Variants in GMPS observed in about 807,000 individuals in gnomAD.
GMPS encodes GMP synthase [glutamine-hydrolyzing].
A neutral mutation model predicts 77.9 loss-of-function variants in GMPS; 15 were observed. The observed-to-expected ratio is 0.19, with a 90% CI of 0.13 to 0.30. The LOEUF (loss-of-function observed/expected upper bound fraction) is 0.30. Ranked by LOEUF, GMPS falls within the 10% of genes least tolerant of loss-of-function variation. The pLI is 1.00. For missense variants in GMPS, 590 were observed against 838.8 expected (o/e 0.70, Z 3.66); for synonymous variants, 224 against 275.9 (o/e 0.81, Z 1.86).
rs574314513 is a variant in GMPS at position 155,937,859 on chromosome 3, A to C, written c.*167A>C. 1 of 563,168 alleles carries C rather than the reference A, an allele frequency of 1.8e-6. No individual in the cohort carries two copies. Among genetic ancestry groups the C allele is most frequent in the East Asian group, 2.9e-5 (1 of 35,076 alleles). 34.9% of individuals were successfully genotyped at this position (563,168 alleles called of 1,614,324 possible). ...TAAGAGCTGAGTTGGGGATAACCAA[A>C]AGGGACTGAAGAGTTTGTACGGGTA... is the stretch of plus-strand genomic sequence containing the variant. On this transcript the variant is annotated 3_prime_UTR_variant, in exon 16 of 16. Transcript: ENST00000496455.
chr3:155,916,700 G>A (rs763271815), intron 9 of GMPS, among the ~76,000 whole-genome samples: 26 of 151,962 alleles, frequency 1.7e-4, no homozygotes, highest in Non-Finnish European at 3.2e-4. Flanking sequence ...TCCACTTTTT[G>A]GCTGTTATAA....
At chr3:155,918,464 A>G (rs1244981219) in intron 9 of GMPS, among the ~76,000 whole-genome samples, 4 of 152,218 alleles carry the variant, frequency 2.6e-5, no homozygotes, top group African/African-American at 9.7e-5. Context: ...AAAAAAGTAA[A>G]TAAAAATGTT....
intron 1 of GMPS, among the ~76,000 whole-genome samples, chr3:155,878,996 C>T (rs1005191047): frequency 1.3e-5 from 2 of 152,086 alleles, no homozygotes; most frequent in African/African-American, 4.8e-5. Context: ...CAGAAGGTGT[C>T]CTAGCTCCAG....
rs527408252 is a variant in GMPS at position 155,941,179 on chromosome 3, T to C, written c.*3487T>C. The C allele has an allele frequency of 2.0e-3, 360 of 177,870 alleles. 3 individuals carry two copies. The highest frequency in any genetic ancestry group is 8.2e-3 in the African/African-American group (347 of 42,208). The allele number at this position is 177,870 out of a possible 1,614,324, so 11.0% of individuals were successfully genotyped here. The stretch of plus-strand genomic sequence containing the variant: ...CAGCACTTTGGGAGGCCGAGGTGGG[T>C]GGATCACGAGATCAGGAGATCGAGA... On this transcript the variant is annotated 3_prime_UTR_variant, in exon 16 of 16. Coordinates refer to ENST00000496455, the MANE Select transcript of GMPS (RefSeq NM_003875.3).
In GMPS at chr3:155,897,953, A is replaced by C; in HGVS notation, c.236A>C (p.Asn79Thr). The change falls in exon 3 of 16, where the codon AAT (asparagine) becomes ACT (threonine). Residue 79 changes from asparagine to threonine, a missense_variant. By Grantham distance (65) the Asn-to-Thr change is moderately conservative. This residue lies in a region of GMPS where 136 missense variants were observed against 225.6 expected (regional missense o/e 0.60). Coordinates refer to ENST00000496455, the MANE Select transcript of GMPS (RefSeq NM_003875.3). The stretch of plus-strand genomic sequence containing the variant: ...GCTATTATCATCTCTGGAGGACCTA[A>C]TTCTGTGTATGCTGAAGATGCTCCC... ...FRAIIISGGP[N>T]SVYAEDAPWF... 6.3e-7 allele frequency: 1 copy of C among 1,594,508 alleles called. No individual in the cohort carries two copies. The highest frequency in any genetic ancestry group is 8.6e-7 in the Non-Finnish European group (1 of 1,162,232).
intron 1 of GMPS, among the ~76,000 whole-genome samples, chr3:155,890,725 T>C (rs1754443901): frequency 1.3e-5 from 2 of 152,212 alleles, no homozygotes; most frequent in Non-Finnish European, 2.9e-5. Flanking sequence ...GTTGCCATTC[T>C]TTCCATCACA....
chr3:155,912,604 G>A (rs1208205079), intron 7 of GMPS, among the ~76,000 whole-genome samples: 2 of 152,194 alleles, frequency 1.3e-5, no homozygotes, highest in East Asian at 3.8e-4. Context: ...TATGTGATTT[G>A]CAATTATTTC....
At chr3:155,929,888 T>C (rs1190630061) in intron 12 of GMPS, among the ~76,000 whole-genome samples, 1 of 132,916 alleles carries the variant, frequency 7.5e-6, no homozygotes, top group African/African-American at 2.8e-5. Flanking sequence ...TGGAAGAACA[T>C]TCCATGCTCA....
At chr3:155,926,397 G>C (rs1405472008) in intron 12 of GMPS, among the ~76,000 whole-genome samples, 1 of 152,068 alleles carries the variant, frequency 6.6e-6, no homozygotes, top group Non-Finnish European at 1.5e-5. Flanking sequence ...TCTATTTCAA[G>C]TTTGTGGTTA....
intron 1 of GMPS, among the ~76,000 whole-genome samples, chr3:155,873,699 A>C (rs1397320025): frequency 8.2e-6 from 1 of 122,284 alleles, no homozygotes. Context: ...CAGTGGTGTG[A>C]TCTCGGCTCA....
At chr3:155,872,897 T>C (rs894905775) in intron 1 of GMPS, among the ~76,000 whole-genome samples, 1 of 152,184 alleles carries the variant, frequency 6.6e-6, no homozygotes, top group African/African-American at 2.4e-5. Context: ...TGACAAACCA[T>C]AACATGCCAG....
intron 3 of GMPS, among the ~76,000 whole-genome samples, chr3:155,900,054 T>G (rs1441876020): frequency 6.6e-6 from 1 of 152,240 alleles, no homozygotes; most frequent in Non-Finnish European, 1.5e-5. Flanking sequence ...TTGGTAATTA[T>G]GAATAAAGGT....
intron 11 of GMPS, 81 bp downstream of exon 11, chr3:155,922,383 G>T (rs930288598): frequency 1.8e-6 from 1 of 568,516 alleles, no homozygotes; most frequent in Admixed American, 3.9e-5. Context: ...AATTTTTTAG[G>T]GTTTTATTAT....
At chr3:155,871,634 C>T (rs1160354996) in intron 1 of GMPS, among the ~76,000 whole-genome samples, 1 of 152,254 alleles carries the variant, frequency 6.6e-6, no homozygotes, top group South Asian at 2.1e-4. Context: ...GTCCCGCCCC[C>T]GTCCAGCTTG....
chr3:155,932,270 A>G (rs1755642867), intron 13 of GMPS, among the ~76,000 whole-genome samples: 1 of 144,978 alleles, frequency 6.9e-6, no homozygotes, highest in Non-Finnish European at 1.5e-5. Flanking sequence ...AGAATTACAA[A>G]TAAAGTAACA....
At chr3:155,911,509 T>C (rs560568856) in intron 7 of GMPS, among the ~76,000 whole-genome samples, 1 of 152,302 alleles carries the variant, frequency 6.6e-6, no homozygotes, top group East Asian at 1.9e-4. Context: ...TTCTAGCTAC[T>C]GTTCAGTTCT....
At chr3:155,873,912 G>A (rs2108042780) in intron 1 of GMPS, among the ~76,000 whole-genome samples, 1 of 152,270 alleles carries the variant, frequency 6.6e-6, no homozygotes, top group South Asian at 2.1e-4. Flanking sequence ...TGGGATTACA[G>A]GCGTGAGCCA....
intron 14 of GMPS, among the ~76,000 whole-genome samples, chr3:155,935,307 C>T (rs1171726774): frequency 2.0e-5 from 3 of 152,080 alleles, no homozygotes; most frequent in Non-Finnish European, 4.4e-5. Flanking sequence ...CTCAGCCTCC[C>T]GAGTAGCTGG....
At chr3:155,914,187 C>T (rs547687993) in intron 7 of GMPS, among the ~76,000 whole-genome samples, 1 of 152,122 alleles carries the variant, frequency 6.6e-6, no homozygotes, top group African/African-American at 2.4e-5. Context: ...ACCTCGTGAT[C>T]CACCTGTCTC....
Sources: allele counts gnomAD v4.1 joint callset (sites outside exome capture counted in the v4.1 genomes callset), GRCh38; gene constraint gnomAD v4.1.1; regional missense constraint gnomAD v4.1.1; transcripts MANE v1.5; gene names NCBI Gene and HGNC (gene_info 2026-07-23, HGNC 2026-07-21).